SEMA3A: variants seen among roughly 807,000 people sequenced by gnomAD.
SEMA3A encodes semaphorin-3A.
Under a neutral mutation model 97.9 loss-of-function variants are expected in SEMA3A, and 29 were observed. The observed-to-expected ratio is 0.30, with a 90% CI of 0.22 to 0.40. SEMA3A has a LOEUF of 0.40. Ranked by LOEUF, SEMA3A falls within the 10% of genes least tolerant of loss-of-function variation. The probability of loss-of-function intolerance (pLI) is 1.00; values close to 1 mark genes in which losing one functional copy is unlikely to be tolerated. For synonymous variants in SEMA3A, 321 were observed against 323.7 expected (o/e 0.99, Z 0.09); for missense variants, 763 against 951.3 (o/e 0.80, Z 2.60).
At chr7:84,197,610 T>C (rs554475188), upstream of SEMA3A, among the ~76,000 whole-genome samples, 1 of 152,190 alleles carries the variant, frequency 6.6e-6, no homozygotes, top group East Asian at 1.9e-4. Context: ...AACTTCAACT[T>C]ATTTCTCAAC....
chr7:84,352,041 G>GAAAA (rs35118818), intron 2 of SEMA3A, among the ~76,000 whole-genome samples: 5 of 134,906 alleles, frequency 3.7e-5, no homozygotes, highest in African/African-American at 7.9e-5. Flanking sequence ...GCAGCCATAA[G>GAAAA]AAAAAAAAAA....
intron 3 of SEMA3A, among the ~76,000 whole-genome samples, chr7:84,287,284 T>G (rs934552527): frequency 4.6e-5 from 7 of 152,132 alleles, no homozygotes; most frequent in Non-Finnish European, 1.0e-4. Context: ...AATAATTATC[T>G]CAATCAAGGT....
intron 4 of SEMA3A, among the ~76,000 whole-genome samples, chr7:84,109,121 G>A (rs1309954159): frequency 6.6e-6 from 1 of 152,022 alleles, no homozygotes; most frequent in Non-Finnish European, 1.5e-5. Flanking sequence ...ATTACAATAG[G>A]AATTGGTTGA....
chr7:83,971,991 G>GTA (rs1399388757), intron 15 of SEMA3A, among the ~76,000 whole-genome samples: 1 of 151,082 alleles, frequency 6.6e-6, no homozygotes, highest in Non-Finnish European at 1.5e-5. Flanking sequence ...TAGTCTGTGT[G>GTA]TGTGTGTGTG....
In SEMA3A at chr7:84,254,546, C is replaced by T. The variant is rs150767470; in HGVS notation, c.-83+52661G>A. On this transcript the variant is annotated intron_variant, in intron 3 of 3. Transcript: ENST00000424555. ...GAGAATTAAAATCAGAGGACAATGA[C>T]GCATAATATTCCAATGGGAATTCTA... is the stretch of plus-strand genomic sequence containing the variant. Among the ~76,000 whole-genome samples, 254 of 152,136 alleles carry T rather than the reference C, an allele frequency of 1.7e-3. 1 individual carries two copies. In the Middle Eastern group the frequency reaches 0.041, roughly 24 times the overall value.
intron 1 of SEMA3A, among the ~76,000 whole-genome samples, chr7:84,407,920 A>T (rs1399748980): frequency 6.6e-6 from 1 of 152,248 alleles, no homozygotes; most frequent in Non-Finnish European, 1.5e-5. Context: ...CTTACATGTT[A>T]GACCTAAAAC....
chr7:83,992,450 G>A (rs1355206885), intron 12 of SEMA3A, among the ~76,000 whole-genome samples: 12 of 149,510 alleles, frequency 8.0e-5, no homozygotes, highest in African/African-American at 3.0e-4. Context: ...TCTCTTGTGG[G>A]CATTTAGTGC....
At chr7:84,435,932 G>T (rs1805115763) in intron 1 of SEMA3A, among the ~76,000 whole-genome samples, 1 of 152,034 alleles carries the variant, frequency 6.6e-6, no homozygotes, top group Non-Finnish European at 1.5e-5. Flanking sequence ...TTTAAACTGT[G>T]CTGTAAGGCT....
At chr7:84,323,456 C>A (rs1211565836) in intron 2 of SEMA3A, among the ~76,000 whole-genome samples, 3 of 152,036 alleles carry the variant, frequency 2.0e-5, no homozygotes, top group Non-Finnish European at 2.9e-5. Flanking sequence ...AAGTACAATT[C>A]CTTTCTTATA....
At chr7:84,076,726 C>G (rs1243454811) in intron 4 of SEMA3A, among the ~76,000 whole-genome samples, 1 of 152,034 alleles carries the variant, frequency 6.6e-6, no homozygotes, top group Non-Finnish European at 1.5e-5. Flanking sequence ...TATAAAGTCA[C>G]TTTGTTTCTA....
At chr7:84,367,923 G>A (rs1023530583) in intron 2 of SEMA3A, among the ~76,000 whole-genome samples, 9 of 151,016 alleles carry the variant, frequency 6.0e-5, no homozygotes, top group African/African-American at 2.2e-4. Flanking sequence ...ATAAAATATT[G>A]TACCTTCTGA....
intron 2 of SEMA3A, among the ~76,000 whole-genome samples, chr7:84,368,102 A>G (rs1316524578): frequency 6.6e-6 from 1 of 151,250 alleles, no homozygotes; most frequent in African/African-American, 2.4e-5. Flanking sequence ...TTTATAACAT[A>G]AAATATTTAA....
At chr7:84,300,923 C>T (rs1305406411) in intron 3 of SEMA3A, among the ~76,000 whole-genome samples, 2 of 151,984 alleles carry the variant, frequency 1.3e-5, no homozygotes, top group Non-Finnish European at 2.9e-5. Context: ...CATTCTGGGC[C>T]TTAAAACAAC....
intron 13 of SEMA3A, among the ~76,000 whole-genome samples, chr7:83,984,085 T>G (rs1678087599): frequency 6.6e-6 from 1 of 152,188 alleles, no homozygotes; most frequent in South Asian, 2.1e-4. Flanking sequence ...GCTTAATATG[T>G]ACTTTTTTAA....
chr7:83,987,731 ACTGT>A (rs1789697173), intron 12 of SEMA3A, among the ~76,000 whole-genome samples: 1 of 152,142 alleles, frequency 6.6e-6, no homozygotes, highest in African/African-American at 2.4e-5. Context: ...ACCCCACTAT[ACTGT>A]CTTTCTTCCA....
At chr7:83,974,412 TAG>T (rs775453059) in intron 15 of SEMA3A, among the ~76,000 whole-genome samples, 2 of 152,210 alleles carry the variant, frequency 1.3e-5, no homozygotes, top group Non-Finnish European at 2.9e-5. Flanking sequence ...GTGTAAACTA[TAG>T]AGTGTTACAG....
chr7:84,221,126 C>A (rs928119544), intron 3 of SEMA3A, among the ~76,000 whole-genome samples: 1 of 152,106 alleles, frequency 6.6e-6, no homozygotes, highest in Non-Finnish European at 1.5e-5. Flanking sequence ...CCTGCTTCAC[C>A]TTGCACTTTT....
At chr7:84,340,766 G>A (rs1429882009) in intron 2 of SEMA3A, among the ~76,000 whole-genome samples, 1 of 131,702 alleles carries the variant, frequency 7.6e-6, no homozygotes, top group Non-Finnish European at 1.6e-5. Context: ...GGCAATAAGA[G>A]CGAAACTCCA....
intron 3 of SEMA3A, among the ~76,000 whole-genome samples, chr7:84,263,759 C>G (rs181082851): frequency 6.6e-6 from 1 of 152,064 alleles, no homozygotes; most frequent in Admixed American, 6.6e-5. Context: ...TGTTCTATAT[C>G]GTTACAGTGC....
Sources: allele counts gnomAD v4.1 joint callset (sites outside exome capture counted in the v4.1 genomes callset), GRCh38; gene constraint gnomAD v4.1.1; transcripts MANE v1.5; gene names NCBI Gene and HGNC (gene_info 2026-07-23, HGNC 2026-07-21).